Variants in ATRNL1 observed in about 807,000 individuals in gnomAD.
The protein encoded by ATRNL1 is attractin-like protein 1.
In ATRNL1, 95 loss-of-function variants were observed where a neutral mutation model predicts 182.7. The observed-to-expected ratio is 0.52, with a 90% CI of 0.44 to 0.62. The LOEUF is 0.62. ATRNL1 is among the 20% of genes least tolerant of loss of function. The probability of loss-of-function intolerance (pLI) is 0.00; values close to 1 mark genes in which losing one functional copy is unlikely to be tolerated. For missense variants in ATRNL1, 1,471 were observed against 1,679.5 expected (o/e 0.88, Z 2.17); for synonymous variants, 576 against 568.3 (o/e 1.01, Z -0.19).
chr10:115,691,713 C>A (rs1946399301), intron 26 of ATRNL1, among the ~76,000 whole-genome samples: 1 of 151,754 alleles, frequency 6.6e-6, no homozygotes, highest in South Asian at 2.1e-4. Context: ...CAGAGGCAGA[C>A]CCTGTCTAAA....
chr10:115,747,374 A>G (rs1948322114), intron 27 of ATRNL1, among the ~76,000 whole-genome samples: 1 of 152,112 alleles, frequency 6.6e-6, no homozygotes, highest in Non-Finnish European at 1.5e-5. Flanking sequence ...CTTGGTTAAG[A>G]AAGAAAGGCA....
At chr10:115,116,388 C>G (rs1844485858) in intron 1 of ATRNL1, among the ~76,000 whole-genome samples, 1 of 151,862 alleles carries the variant, frequency 6.6e-6, no homozygotes, top group South Asian at 2.1e-4. Context: ...TATGTGCTAC[C>G]TAATTTCTGG....
chr10:115,882,593 T>C (rs1028624796), intron 28 of ATRNL1, among the ~76,000 whole-genome samples: 5 of 152,202 alleles, frequency 3.3e-5, no homozygotes, highest in African/African-American at 1.2e-4. Context: ...TCATCTTCTC[T>C]ATGAAGCCTT....
At chr10:115,766,782 T>G (rs2907588) in intron 27 of ATRNL1, among the ~76,000 whole-genome samples, 2 of 152,164 alleles carry the variant, frequency 1.3e-5, no homozygotes, top group Admixed American at 1.3e-4. Context: ...ATCTTCAGAC[T>G]ATTATGCATT....
At position 115,821,212 on chromosome 10, in the gene ATRNL1, G is replaced by A. The variant is rs534370315; in HGVS notation, c.3904-26665G>A. 6.0e-4 allele frequency among the ~76,000 whole-genome samples: 92 copies of A among 152,170 alleles called. 1 individual carries two copies. Among genetic ancestry groups the A allele is most frequent in the African/African-American group, 2.0e-3 (84 of 41,518 alleles). ...GAACAGACTAATACAGGAAATAAAA[G>A]CACCTACCTCATAAATAGTTGCAAA... On this transcript the variant is annotated intron_variant, in intron 27 of 28. Transcript: ENST00000355044.
At chr10:115,466,027 A>G (rs186999794) in intron 22 of ATRNL1, among the ~76,000 whole-genome samples, 58 of 151,584 alleles carry the variant, frequency 3.8e-4, no homozygotes, top group African/African-American at 1.1e-3. Context: ...ACGTCTGTCA[A>G]ATGGTATGGC....
intron 19 of ATRNL1, among the ~76,000 whole-genome samples, chr10:115,377,198 A>G (rs1554949775): frequency 2.6e-5 from 4 of 152,154 alleles, no homozygotes; most frequent in African/African-American, 7.2e-5. Context: ...ATAATTTCTC[A>G]TGTTGTGGGA....
intron 26 of ATRNL1, among the ~76,000 whole-genome samples, chr10:115,621,651 C>G (rs147747728): frequency 2.0e-5 from 3 of 151,944 alleles, no homozygotes; most frequent in Admixed American, 1.3e-4. Flanking sequence ...AAAATGTGTA[C>G]AAGAATGTGC....
intron 24 of ATRNL1, among the ~76,000 whole-genome samples, chr10:115,482,793 G>T (rs1288086215): frequency 6.6e-6 from 1 of 151,188 alleles, no homozygotes; most frequent in Non-Finnish European, 1.5e-5. Flanking sequence ...ACTTTATTCT[G>T]TACTGAATGT....
At chr10:115,301,381 A>T (rs1446334278) in intron 16 of ATRNL1, among the ~76,000 whole-genome samples, 1 of 152,196 alleles carries the variant, frequency 6.6e-6, no homozygotes, top group Non-Finnish European at 1.5e-5. Context: ...ATTTTTAAAT[A>T]ATGGCCATCT....
At chr10:115,319,438 T>G (rs1554930694) in intron 18 of ATRNL1, among the ~76,000 whole-genome samples, 1 of 152,190 alleles carries the variant, frequency 6.6e-6, no homozygotes, top group African/African-American at 2.4e-5. Context: ...GTCCTGAATA[T>G]CCTTGTTAAT....
intron 24 of ATRNL1, among the ~76,000 whole-genome samples, chr10:115,475,878 CT>C (rs1215368753): frequency 6.6e-6 from 1 of 151,162 alleles, no homozygotes; most frequent in Admixed American, 6.6e-5. Context: ...ATTCCTTTAT[CT>C]TTTACTTATC....
chr10:115,718,974 A>C lies in ATRNL1; in HGVS notation c.3796-8274A>C, dbSNP rs573870606. ...ATACATCAGTTACTAGAAAAAGGGC[A>C]TGCAGTAGGAGCTCAGTAAAAATTC... On this transcript the variant is annotated intron_variant, in intron 26 of 28. Coordinates refer to ENST00000355044, the MANE Select transcript of ATRNL1 (RefSeq NM_207303.4). Among the ~76,000 whole-genome samples the C allele has an allele frequency of 3.3e-5, 5 of 152,356 alleles. No homozygotes were observed. The East Asian group carries it at 9.6e-4, about 29-fold the overall frequency.
In ATRNL1 at chr10:115,271,532, G is replaced by T. The variant is rs1390398516; in HGVS notation, c.2100+3088G>T. Among the ~76,000 whole-genome samples, 6 of 152,134 alleles carry T rather than the reference G, an allele frequency of 3.9e-5. No individual in the cohort carries two copies. The East Asian group carries it at 1.2e-3, about 29-fold the overall frequency. On this transcript the variant is annotated intron_variant, in intron 13 of 28. Coordinates refer to ENST00000355044, the MANE Select transcript of ATRNL1 (RefSeq NM_207303.4). ...CCCGTTACTGGATATATACCCAAAG[G>T]ATTGTAAATCATGCTGCTATAAAGA...
chr10:115,812,459 T>G (rs954579574), intron 27 of ATRNL1, among the ~76,000 whole-genome samples: 14 of 152,176 alleles, frequency 9.2e-5, no homozygotes, highest in Non-Finnish European at 1.5e-5. Flanking sequence ...TATACCCCAC[T>G]GATATTTTTA....
intron 13 of ATRNL1, among the ~76,000 whole-genome samples, chr10:115,268,870 A>C (rs1412789369): frequency 6.6e-6 from 1 of 152,060 alleles, no homozygotes; most frequent in African/African-American, 2.4e-5. Context: ...GTTTAACCTG[A>C]GTTTTTGGTA....
intron 13 of ATRNL1, among the ~76,000 whole-genome samples, chr10:115,273,738 A>G (rs933537455): frequency 5.9e-5 from 9 of 152,310 alleles, no homozygotes; most frequent in East Asian, 1.9e-4. Context: ...CAAGTGATCT[A>G]GGGAACTTCT....
rs189440107 is a variant in ATRNL1 at position 115,725,979 on chromosome 10, A to G, written c.3796-1269A>G. ...TACTTCAAAAAAATGTGATCTACAA[A>G]CTTAAATTGTTACTTATTAACAGTT... On this transcript the variant is annotated intron_variant, in intron 26 of 28. Coordinates refer to ENST00000355044, the MANE Select transcript of ATRNL1 (RefSeq NM_207303.4). Among the ~76,000 whole-genome samples, 757 of 152,298 alleles carry G rather than the reference A, an allele frequency of 5.0e-3. 7 individuals carry two copies. Among genetic ancestry groups the G allele is most frequent in the African/African-American group, 0.018 (730 of 41,576 alleles).
intron 24 of ATRNL1, among the ~76,000 whole-genome samples, chr10:115,488,401 T>C (rs559032347): frequency 6.6e-6 from 1 of 152,240 alleles, no homozygotes; most frequent in South Asian, 2.1e-4. Context: ...ATTTCAGAAC[T>C]TGTTATTGGT....
Sources: allele counts gnomAD v4.1 joint callset (sites outside exome capture counted in the v4.1 genomes callset), GRCh38; gene constraint gnomAD v4.1.1; transcripts MANE v1.5; gene names NCBI Gene and HGNC (gene_info 2026-07-23, HGNC 2026-07-21).